RAB21: variants seen among roughly 807,000 people sequenced by gnomAD.
RAB21 encodes the protein ras-related protein Rab-21.
A neutral mutation model predicts 33.1 loss-of-function variants in RAB21; 13 were observed. That is an observed-to-expected ratio of 0.39 (90% CI 0.26 to 0.62). The LOEUF (loss-of-function observed/expected upper bound fraction) is 0.62, where lower values mean the gene tolerates loss of function less well. Ranked by LOEUF, RAB21 falls within the 20% of genes least tolerant of loss-of-function variation. The pLI is 0.48. For missense variants in RAB21, 234 were observed against 279.1 expected (o/e 0.84, Z 1.15); for synonymous variants, 91 against 103.7 (o/e 0.88, Z 0.74).
chr12:71,777,704 AT>A (rs1467783101), intron 4 of RAB21, among the ~76,000 whole-genome samples: 2 of 152,122 alleles, frequency 1.3e-5, no homozygotes, highest in Non-Finnish European at 2.9e-5. Context: ...TAAGTCTTAA[AT>A]TCTCTAGATC....
At chr12:71,782,693 G>A (rs750593350) in intron 6 of RAB21, 35 bp downstream of exon 6, 1 of 1,415,124 alleles carries the variant, frequency 7.1e-7, no homozygotes, top group South Asian at 1.3e-5. Flanking sequence ...TTTAGAAATG[G>A]TTTTTGGTTT....
chr12:71,782,361 AAATT>A (rs1389930478), intron 5 of RAB21: 14 of 516,224 alleles, frequency 2.7e-5, no homozygotes, highest in Middle Eastern at 5.2e-4. Context: ...TTTGAGTCCC[AAATT>A]AATCTATAAA....
intron 4 of RAB21, among the ~76,000 whole-genome samples, chr12:71,777,851 G>C (rs933748540): frequency 2.6e-5 from 4 of 152,134 alleles, no homozygotes; most frequent in Non-Finnish European, 5.9e-5. Context: ...TGTTGAGCTA[G>C]TATGTTCTTA....
intron 5 of RAB21, 93 bp downstream of exon 5, chr12:71,782,178 C>G (rs745666963): frequency 5.0e-6 from 6 of 1,192,260 alleles, no homozygotes; most frequent in Non-Finnish European, 6.1e-6. Flanking sequence ...TTACTCAAAT[C>G]TCTTAGCATG....
rs561648542 is a variant in RAB21 at position 71,785,275 on chromosome 12, T to A, written c.536-256T>A. 3.5e-3 allele frequency among the ~76,000 whole-genome samples: 538 copies of A among 152,204 alleles called. 2 individuals are homozygous for A. Among genetic ancestry groups the A allele is most frequent in the Non-Finnish European group, 5.9e-3 (399 of 68,016 alleles). ...CAGGCAATTGTTCAGAGCAAAAAAA[T>A]TTTTTTCTTTATTGATATCACTGTG... On this transcript the variant is annotated intron_variant, in intron 6 of 6. Coordinates refer to ENST00000261263, the MANE Select transcript of RAB21 (RefSeq NM_014999.4).
chr12:71,781,854 A>G (rs1170057103), intron 4 of RAB21, among the ~76,000 whole-genome samples, 177 bp from the exon 5 acceptor site: 1 of 152,200 alleles, frequency 6.6e-6, no homozygotes, highest in Non-Finnish European at 1.5e-5. Context: ...AGGATGAGGC[A>G]TGATCAACCC....
intron 4 of RAB21, among the ~76,000 whole-genome samples, chr12:71,780,877 A>G (rs1451142238): frequency 6.6e-6 from 1 of 152,190 alleles, no homozygotes; most frequent in Non-Finnish European, 1.5e-5. Context: ...TTTTCTCCCT[A>G]AAAGCCATAG....
intron 1 of RAB21, among the ~76,000 whole-genome samples, chr12:71,755,633 C>T (rs748765814): frequency 2.6e-5 from 4 of 152,166 alleles, no homozygotes; most frequent in African/African-American, 7.2e-5. Flanking sequence ...AATGTTAGCT[C>T]CTTTTCTTTC....
chr12:71,790,369 C>A lies in RAB21; in HGVS notation c.*4696C>A, dbSNP rs1440426512. ...TTTTAAGAAAAAGCTAAGGTGATTT[C>A]TTTACATTTGAACATGTGTAGATCA... On this transcript the variant is annotated 3_prime_UTR_variant, in exon 7 of 7. Coordinates refer to ENST00000261263, the MANE Select transcript of RAB21 (RefSeq NM_014999.4). 1 of 152,084 alleles carries A rather than the reference C, an allele frequency of 6.6e-6. No homozygotes were observed. The highest frequency in any genetic ancestry group is 1.5e-5 in the Non-Finnish European group (1 of 67,988). 9.4% of individuals were successfully genotyped at this position (152,084 alleles called of 1,614,324 possible). A position where few individuals can be genotyped will look rare whatever the true frequency, so the allele number is the denominator to read the frequency against.
At chr12:71,783,861 C>T (rs1218452048) in intron 6 of RAB21, among the ~76,000 whole-genome samples, 2 of 152,078 alleles carry the variant, frequency 1.3e-5, no homozygotes, top group South Asian at 2.1e-4. Context: ...TCCCTCCCTC[C>T]CTCCCTTCCT....
chr12:71,782,657 A>C lies in RAB21; in HGVS notation c.534A>C (p.Lys178Asn). ...AGGAACTCTTTCTTGACCTTTGTAA[A>C]AGTAGGTATATTCAGATTTAGTTTG... ...GIEELFLDLC[K>N]RMIETAQVDE... is the part of the protein sequence containing the mutation. Residue 178 changes from lysine to asparagine, a missense_variant and splice_region_variant, in exon 6 of 7, where the codon AAA (lysine) becomes AAC (asparagine). Physicochemically the swap from Lys to Asn is moderately conservative, Grantham distance 94. Transcript: ENST00000261263. 6.4e-7 allele frequency: 1 copy of C among 1,560,642 alleles called. No individual in the cohort carries two copies. Among genetic ancestry groups the C allele is most frequent in the Non-Finnish European group, 8.8e-7 (1 of 1,142,446 alleles).
intron 4 of RAB21, among the ~76,000 whole-genome samples, chr12:71,776,771 T>G (rs11837615): frequency 6.6e-6 from 1 of 151,820 alleles, no homozygotes; most frequent in Non-Finnish European, 1.5e-5. Context: ...CTTATTAGGA[T>G]AACTTAAAGG....
chr12:71,782,729 T>TGGCCGGGCGCGGTGGC, intron 6 of RAB21, 71 bp downstream of exon 6: 2 of 976,986 alleles, frequency 2.0e-6, no homozygotes, highest in South Asian at 3.6e-5. Context: ...TAGTATGTAT[T>TGGCCGGGCGCGGTGGC]TTACACCAGT....
chr12:71,763,777 GT>G (rs2137641920), intron 1 of RAB21, among the ~76,000 whole-genome samples: 1 of 152,210 alleles, frequency 6.6e-6, no homozygotes, highest in Non-Finnish European at 1.5e-5. Flanking sequence ...ATTTGGGGAG[GT>G]TAGGGTCCAA....
In RAB21 at chr12:71,794,681, G is replaced by C. The variant is rs1341042482; in HGVS notation, c.*9008G>C. 4.8e-5 allele frequency: 7 copies of C among 145,380 alleles called. No homozygotes were observed. The highest frequency in any genetic ancestry group is 9.1e-5 in the Non-Finnish European group (6 of 66,290). 9.0% of individuals were successfully genotyped at this position (145,380 alleles called of 1,614,324 possible). A position where few individuals can be genotyped will look rare whatever the true frequency, so the allele number is the denominator to read the frequency against. ...TCTCTATCTCCTGACCTTGTTATCC[G>C]CCCGCCTCGGCCTCCCAAAGTGCTG... On this transcript the variant is annotated 3_prime_UTR_variant, in exon 7 of 7. Transcript: ENST00000261263.
intron 4 of RAB21, among the ~76,000 whole-genome samples, chr12:71,780,227 A>G (rs936162755): frequency 3.9e-5 from 6 of 152,120 alleles, no homozygotes; most frequent in African/African-American, 1.4e-4. Flanking sequence ...CACTCTTTTT[A>G]TAGGTATTGA....
At chr12:71,763,384 CTT>C (rs1221177778) in intron 1 of RAB21, among the ~76,000 whole-genome samples, 1 of 152,102 alleles carries the variant, frequency 6.6e-6, no homozygotes, top group African/African-American at 2.4e-5. Flanking sequence ...TATGAAAAGA[CTT>C]TAATTTGGCA....
At chr12:71,755,440 G>C (rs1882770785) in intron 1 of RAB21, 152 bp downstream of exon 1, 1 of 963,840 alleles carries the variant, frequency 1.0e-6, no homozygotes, top group African/African-American at 1.8e-5. Flanking sequence ...TTCGCCCTGG[G>C]GAATCACCAG....
intron 1 of RAB21, among the ~76,000 whole-genome samples, chr12:71,758,044 T>C (rs1882811724): frequency 6.6e-6 from 1 of 151,902 alleles, no homozygotes; most frequent in African/African-American, 2.4e-5. Context: ...TTTTTTTTTT[T>C]CTTTTTGAGA....
Sources: allele counts gnomAD v4.1 joint callset (sites outside exome capture counted in the v4.1 genomes callset), GRCh38; gene constraint gnomAD v4.1.1; transcripts MANE v1.5; gene names NCBI Gene and HGNC (gene_info 2026-07-23, HGNC 2026-07-21).